LARP4B: variants seen among roughly 807,000 people sequenced by gnomAD.
LARP4B encodes La ribonucleoprotein 4B, also known as la-related protein 4B.
In LARP4B, 12 loss-of-function variants were observed where a neutral mutation model predicts 89.8. The observed-to-expected ratio is 0.13, with a 90% confidence interval of 0.09 to 0.22. The LOEUF is 0.22. Ranked by LOEUF, LARP4B falls within the 10% of genes least tolerant of loss-of-function variation. The probability of loss-of-function intolerance (pLI) is 1.00; values close to 1 mark genes in which losing one functional copy is unlikely to be tolerated. For synonymous variants in LARP4B, 367 were observed against 363.3 expected (o/e 1.01, Z -0.12); for missense variants, 757 against 947.7 (o/e 0.80, Z 2.64).
Position 822,282 on chromosome 10 carries a change from C to T in LARP4B, c.1485-1437G>A, listed in dbSNP as rs1439471783. Among the ~76,000 whole-genome samples the T allele has an allele frequency of 6.6e-6, 1 of 152,218 alleles. No homozygotes were observed. The highest frequency in any genetic ancestry group is 2.4e-5 in the African/African-American group (1 of 41,458). The stretch of plus-strand genomic sequence containing the variant: ...CGGATGGTGTCAGCACCTGCTTGCC[C>T]AGAGGCATTGCCCTGAGCGCTGGAC... On this transcript the variant is annotated intron_variant, in intron 13 of 17. Coordinates refer to ENST00000316157, the MANE Select transcript of LARP4B (RefSeq NM_015155.3). This position sits in a 1 kb window ranked among gnomAD's most constrained non-coding sequence, Gnocchi z 4.6.
chr10:930,607 G>A (rs953790982), intron 1 of LARP4B, among the ~76,000 whole-genome samples: 3 of 152,218 alleles, frequency 2.0e-5, no homozygotes, highest in Non-Finnish European at 4.4e-5. Flanking sequence ...ACGTTCCCAA[G>A]CGCACCCTGA....
At chr10:966,487 A>G in the LARP4B span, among the ~76,000 whole-genome samples, 1 of 152,244 alleles carries the variant, frequency 6.6e-6, no homozygotes, top group Non-Finnish European at 1.5e-5. Context: ...ATGTGGCACA[A>G]GCCTTTGAGG....
At chr10:857,156 G>A (rs539241463) in intron 5 of LARP4B, among the ~76,000 whole-genome samples, 1 of 152,200 alleles carries the variant, frequency 6.6e-6, no homozygotes, top group South Asian at 2.1e-4. Flanking sequence ...ACAATGTCAA[G>A]AGCAGAGCAA....
chr10:888,203 C>G (rs1278261628), intron 1 of LARP4B, among the ~76,000 whole-genome samples: 1 of 152,016 alleles, frequency 6.6e-6, no homozygotes, highest in African/African-American at 2.4e-5. Context: ...GCCTGGAGTC[C>G]CAGCTATTCA....
chr10:885,542 T>C lies in LARP4B; in HGVS notation c.81+99A>G, dbSNP rs544362383. 49 of 748,882 alleles carry C rather than the reference T, an allele frequency of 6.5e-5. No homozygotes were observed. In the African/African-American group the frequency reaches 7.9e-4, roughly 12 times the overall value. 46.4% of individuals were successfully genotyped at this position (748,882 alleles called of 1,614,324 possible). A position where few individuals can be genotyped will look rare whatever the true frequency, so the allele number is the denominator to read the frequency against. On this transcript the variant is annotated intron_variant, in intron 2 of 17. Transcript: ENST00000316157. Reference sequence around the variant, plus strand: ...ATATCTGTATGCAGATCCTAAGATGTGCCAGTGTTCCTGTTTAGAACTCCT... The same window carrying C: ...ATATCTGTATGCAGATCCTAAGATGCGCCAGTGTTCCTGTTTAGAACTCCT...
upstream of LARP4B, chr10:933,176 C>CA (rs1830702211): frequency 6.6e-6 from 1 of 152,264 alleles, no homozygotes; most frequent in Non-Finnish European, 1.5e-5. Context: ...TGATTGGCTA[C>CA]ATATACACAT....
the LARP4B span, among the ~76,000 whole-genome samples, chr10:937,689 A>G: frequency 6.6e-6 from 1 of 152,110 alleles, no homozygotes. Context: ...CTCGAAGGAC[A>G]TTCTGCAAAT....
At chr10:860,127 T>TGGGGGGGGGGGGGGG (rs60607691) in intron 5 of LARP4B, among the ~76,000 whole-genome samples, 6 of 96,200 alleles carry the variant, frequency 6.2e-5, no homozygotes, top group African/African-American at 1.2e-4. Context: ...TGTGTGGGGG[T>TGGGGGGGGGGGGGGG]GGGGGGGAGG....
At chr10:858,772 A>G (rs1834436089) in intron 5 of LARP4B, among the ~76,000 whole-genome samples, 1 of 152,238 alleles carries the variant, frequency 6.6e-6, no homozygotes, top group South Asian at 2.1e-4. Flanking sequence ...AATAAGAACA[A>G]AAAGGGTGCT....
the LARP4B span, among the ~76,000 whole-genome samples, chr10:939,956 G>A: frequency 0.23 from 34,605 of 151,122 alleles, 4,590 homozygotes; most frequent in East Asian, 0.4. Flanking sequence ...AGCGGTTCTC[G>A]TGCCTCAGCC....
chr10:846,247 A>C (rs1038020643), intron 5 of LARP4B, among the ~76,000 whole-genome samples: 5 of 152,264 alleles, frequency 3.3e-5, no homozygotes, highest in Admixed American at 3.3e-4. Flanking sequence ...ATTCAGCCTG[A>C]ATAACGCAAA....
At chr10:911,012 A>C (rs1300787649) in intron 1 of LARP4B, among the ~76,000 whole-genome samples, 1 of 152,182 alleles carries the variant, frequency 6.6e-6, no homozygotes, top group Non-Finnish European at 1.5e-5. Flanking sequence ...AAGTTAGTAA[A>C]TTATACAAAA....
intron 15 of LARP4B, 168 bp from the exon 16 acceptor site, chr10:815,238 C>T (rs1419231473): frequency 5.1e-6 from 3 of 590,502 alleles, no homozygotes; most frequent in Non-Finnish European, 7.7e-6. Flanking sequence ...CTATCCTCTG[C>T]CCCACAGATC....
chr10:975,440 T>C, the LARP4B span, among the ~76,000 whole-genome samples: 5 of 152,246 alleles, frequency 3.3e-5, no homozygotes, highest in Non-Finnish European at 7.3e-5. Context: ...GGTGTACTCC[T>C]AGAATTTCTT....
intron 11 of LARP4B, among the ~76,000 whole-genome samples, chr10:826,749 C>G (rs1352034061): frequency 6.6e-6 from 1 of 152,136 alleles, no homozygotes; most frequent in Non-Finnish European, 1.5e-5. Context: ...AGTCCACACC[C>G]TCAATGTCAC....
At position 897,731 on chromosome 10, in the gene LARP4B, T is replaced by A. The variant is rs1406149556; in HGVS notation, c.-39-11971A>T. Among the ~76,000 whole-genome samples the A allele has an allele frequency of 2.0e-5, 3 of 152,116 alleles. No homozygotes were observed. In the East Asian group the frequency reaches 5.8e-4, roughly 29 times the overall value. The stretch of plus-strand genomic sequence containing the variant: ...AGCCCAGCGCAGTGGCTCACATCTG[T>A]AATCCCAGCACTTTCCGAGGCCGAA... On this transcript the variant is annotated intron_variant, in intron 1 of 17. Transcript: ENST00000316157.
chr10:949,280 C>A, the LARP4B span, among the ~76,000 whole-genome samples: 1 of 151,628 alleles, frequency 6.6e-6, no homozygotes, highest in Admixed American at 6.6e-5. Flanking sequence ...AACCCGTTTT[C>A]CAGGCAGCTG....
chr10:935,722 C>CTTTTTTTTTTT (rs10711022), upstream of LARP4B, among the ~76,000 whole-genome samples: 21 of 83,902 alleles, frequency 2.5e-4, no homozygotes, highest in Admixed American at 4.2e-4. Context: ...CTTTTCTTTT[C>CTTTTTTTTTTT]TTTTTTTTTT....
chr10:945,976 T>G, the LARP4B span, among the ~76,000 whole-genome samples: 1 of 152,198 alleles, frequency 6.6e-6, no homozygotes, highest in African/African-American at 2.4e-5. Context: ...CCCCCTGGTC[T>G]CAGACTCCAG....
Sources: gnomAD v4.1 joint callset for allele counts (sites outside exome capture counted in the v4.1 genomes callset) on GRCh38, gnomAD v4.1.1 for gene constraint, Gnocchi (gnomAD v3.1) non-coding constraint, MANE v1.5 for transcripts, NCBI Gene and HGNC (gene_info 2026-07-23, HGNC 2026-07-21) for gene names.